Variants in SLC2A12 observed in about 807,000 individuals in gnomAD.
The protein encoded by SLC2A12 is solute carrier family 2, facilitated glucose transporter member 12.
A neutral mutation model predicts 41.8 loss-of-function variants in SLC2A12; 23 were observed. The observed-to-expected ratio is 0.55, with a 90% CI of 0.40 to 0.78. The LOEUF (loss-of-function observed/expected upper bound fraction) is 0.78, where lower values mean the gene tolerates loss of function less well. Among genes scored for constraint, SLC2A12 ranks in the 30% least tolerant of loss-of-function variants. The pLI is 0.00. For synonymous variants in SLC2A12, 295 were observed against 285.9 expected, an observed-to-expected ratio of 1.03 and a Z score of -0.32; for missense variants, 654 against 745.6, an observed-to-expected ratio of 0.88 and a Z score of 1.43.
chr6:134,039,321 T>G (rs1294922294), intron 1 of SLC2A12, among the ~76,000 whole-genome samples: 1 of 152,220 alleles, frequency 6.6e-6, no homozygotes, highest in Non-Finnish European at 1.5e-5. Flanking sequence ...TTGATCTATT[T>G]GCATCTCAGT....
intron 2 of SLC2A12, among the ~76,000 whole-genome samples, chr6:134,011,457 A>C (rs967280060): frequency 2.0e-5 from 3 of 152,048 alleles, no homozygotes; most frequent in South Asian, 4.2e-4. Context: ...CCCCGTCTCT[A>C]TAAAAAAATA....
chr6:134,028,513 G>A lies in SLC2A12; in HGVS notation c.1312C>T (p.Leu438=). The A allele has an allele frequency of 6.2e-7, 1 of 1,614,174 alleles. No homozygotes were observed. Among genetic ancestry groups the A allele is most frequent in the Non-Finnish European group, 8.5e-7 (1 of 1,180,022 alleles). The change falls in exon 2 of 5, where the codon CTA becomes TTA. Residue 438 remains leucine, a synonymous_variant. Coordinates refer to ENST00000275230, the MANE Select transcript of SLC2A12 (RefSeq NM_145176.3). Reference sequence around the variant, plus strand: ...TCAGTGTGGCTTAATCCAGCATTTAGCAAGGATGCTGAGGTCGTCTCCCCT... The same window carrying A: ...TCAGTGTGGCTTAATCCAGCATTTAACAAGGATGCTGAGGTCGTCTCCCCT... ...KRGETTSASL[L]NAGLSHTEYQ... is the part of the protein sequence containing the mutation.
intron 1 of SLC2A12, among the ~76,000 whole-genome samples, chr6:134,044,074 TCCGTAAAACTACTGG>T (rs1469840849): frequency 6.6e-6 from 1 of 152,152 alleles, no homozygotes; most frequent in Non-Finnish European, 1.5e-5. Context: ...CTTAGAATGC[TCCGTAAAACTACTGG>T]CCTCAGTTAC....
At chr6:134,032,568 G>T (rs909612967) in intron 1 of SLC2A12, among the ~76,000 whole-genome samples, 16 of 145,176 alleles carry the variant, frequency 1.1e-4, no homozygotes, top group Admixed American at 6.9e-5. Context: ...TGTGGTCTCA[G>T]TTGCCTGAAT....
chr6:133,998,626 G>A (rs892472783), intron 4 of SLC2A12, among the ~76,000 whole-genome samples: 6 of 152,172 alleles, frequency 3.9e-5, no homozygotes, highest in Non-Finnish European at 7.3e-5. Flanking sequence ...CTGCAGCCTC[G>A]ACTTCCCAGG....
rs767628923 is a variant in SLC2A12, at chr6:134,029,447, G to A, written c.378C>T (p.Leu126=). ...LLGLGSLVLI[L]SLSYTVLIVG... is the part of the protein sequence containing the mutation. ...CTATAAGAACCGTGTAGGATAAACT[G>A]AGGATCAAGACTAAGCTTCCGAGTC... is the stretch of plus-strand genomic sequence containing the variant. The change falls in exon 2 of 5, where the codon CTC becomes CTT. Residue 126 remains leucine, a synonymous_variant. Transcript: ENST00000275230. 6.8e-6 allele frequency: 11 copies of A among 1,613,984 alleles called. No individual in the cohort carries two copies. Among genetic ancestry groups the A allele is most frequent in the Non-Finnish European group, 9.3e-6 (11 of 1,180,040 alleles).
chr6:134,011,710 T>C (rs1479033976), intron 2 of SLC2A12, among the ~76,000 whole-genome samples: 1 of 151,642 alleles, frequency 6.6e-6, no homozygotes, highest in Non-Finnish European at 1.5e-5. Context: ...ACAGCCCAAG[T>C]GTCAGAGTGA....
rs144695342 is a variant in SLC2A12, at chr6:133,995,190, A to G, written c.1701-3882T>C. Among the ~76,000 whole-genome samples the G allele has an allele frequency of 8.5e-3, 1,292 of 152,322 alleles. 16 individuals carry two copies. The highest frequency in any genetic ancestry group is 0.029 in the African/African-American group (1,205 of 41,568). ...GGCAAAAGCTGGAGAGAAAAGTGGC[A>G]CAAAAAGACCTTTTGTTTTGTTTTG... On this transcript the variant is annotated intron_variant, in intron 4 of 4. Transcript: ENST00000275230.
At chr6:134,003,956 A>T (rs1776781789) in intron 3 of SLC2A12, among the ~76,000 whole-genome samples, 1 of 152,224 alleles carries the variant, frequency 6.6e-6, no homozygotes, top group Non-Finnish European at 1.5e-5. Flanking sequence ...CACTTGGAAA[A>T]TTTATTTTTG....
At position 134,016,015 on chromosome 6, in the gene SLC2A12, C is replaced by T. The variant is rs13220797; in HGVS notation, c.1445-9081G>A. ...TTTTCAAAATTCTAGTTTGTTGTTT[C>T]GAATAGAAAGAAAGACATTTGAGTT... is the stretch of plus-strand genomic sequence containing the variant. On this transcript the variant is annotated intron_variant, in intron 2 of 4. Transcript: ENST00000275230. Among the ~76,000 whole-genome samples the T allele has an allele frequency of 9.9e-3, 1,506 of 152,132 alleles. 11 individuals carry two copies. The highest frequency in any genetic ancestry group is 0.027 in the Middle Eastern group (8 of 294).
chr6:134,050,264 CA>C (rs994944876), intron 1 of SLC2A12, among the ~76,000 whole-genome samples: 3 of 152,042 alleles, frequency 2.0e-5, no homozygotes, highest in African/African-American at 4.8e-5. Flanking sequence ...AGAAAATTTA[CA>C]AAAGTAGAAA....
At chr6:134,047,978 G>GCT (rs1029306441) in intron 1 of SLC2A12, among the ~76,000 whole-genome samples, 2 of 152,184 alleles carry the variant, frequency 1.3e-5, no homozygotes, top group Non-Finnish European at 2.9e-5. Flanking sequence ...CAACCTCTCT[G>GCT]CTCTCTCTGG....
chr6:133,999,892 A>T (rs1221581913), intron 4 of SLC2A12, among the ~76,000 whole-genome samples: 1 of 152,262 alleles, frequency 6.6e-6, no homozygotes, highest in East Asian at 1.9e-4. Flanking sequence ...TTTGGAAGTC[A>T]TCGGTGTCCT....
chr6:134,037,935 C>G (rs956705841), intron 1 of SLC2A12, among the ~76,000 whole-genome samples: 1 of 152,114 alleles, frequency 6.6e-6, no homozygotes, highest in Non-Finnish European at 1.5e-5. Flanking sequence ...ACATGCTGCT[C>G]CTTGGCATTG....
chr6:134,002,385 G>T (rs991276725), intron 3 of SLC2A12, among the ~76,000 whole-genome samples: 5 of 152,000 alleles, frequency 3.3e-5, no homozygotes, highest in African/African-American at 2.4e-5. Context: ...CATCTTCTTG[G>T]TGGGCATGTC....
At chr6:133,994,889 G>A (rs146231696) in intron 4 of SLC2A12, among the ~76,000 whole-genome samples, 270 of 152,308 alleles carry the variant, frequency 1.8e-3, no homozygotes, top group African/African-American at 6.2e-3. Flanking sequence ...GCAGAAGGAT[G>A]TGAGGCAAGC....
chr6:134,014,516 T>C (rs755355942), intron 2 of SLC2A12, among the ~76,000 whole-genome samples: 9 of 152,268 alleles, frequency 5.9e-5, no homozygotes, highest in Non-Finnish European at 1.2e-4. Context: ...AACTTGAATG[T>C]CATGGCTTCG....
At chr6:134,038,700 CTTTTTTT>C (rs200794350) in intron 1 of SLC2A12, among the ~76,000 whole-genome samples, 16 of 82,126 alleles carry the variant, frequency 1.9e-4, no homozygotes, top group Admixed American at 1.4e-3. Flanking sequence ...CCTTTCTTTC[CTTTTTTT>C]TTTTTTTTTT....
chr6:134,029,417 T>C lies in SLC2A12; in HGVS notation c.408A>G (p.Gly136=). 1 of 1,614,070 alleles carries C rather than the reference T, an allele frequency of 6.2e-7. No homozygotes were observed. The highest frequency in any genetic ancestry group is 8.5e-7 in the Non-Finnish European group (1 of 1,180,020). The change falls in exon 2 of 5, where the codon GGA becomes GGG. Residue 136 remains glycine, a synonymous_variant. Transcript: ENST00000275230. ...AGATGGAGACCCCTATGGCAATGCGTCCCACTATAAGAACCGTGTAGGATA... is the reference window on the plus strand; with the variant it reads ...AGATGGAGACCCCTATGGCAATGCGCCCCACTATAAGAACCGTGTAGGATA... ...LSLSYTVLIV[G]RIAIGVSISL...
Sources: gnomAD v4.1 joint callset for allele counts (sites outside exome capture counted in the v4.1 genomes callset) on GRCh38, gnomAD v4.1.1 for gene constraint, MANE v1.5 for transcripts, NCBI Gene and HGNC (gene_info 2026-07-23, HGNC 2026-07-21) for gene names.